The following BLZF1 variants were observed in gnomAD, a reference collection of about 807,000 sequenced individuals.
The protein encoded by BLZF1 is basic leucine zipper nuclear factor 1.
BLZF1 carries 39 observed loss-of-function variants against 43.8 expected under a neutral mutation model. The observed-to-expected ratio is 0.89, with a 90% CI of 0.69 to 1.16. The LOEUF (loss-of-function observed/expected upper bound fraction) is 1.16, where lower values mean the gene tolerates loss of function less well. BLZF1 is among the 50% of genes most tolerant of loss of function. BLZF1 has a pLI of 0.00. For missense variants in BLZF1, 449 were observed against 469.8 expected, an observed-to-expected ratio of 0.96 and a Z score of 0.41; for synonymous variants, 136 against 159.4, an observed-to-expected ratio of 0.85 and a Z score of 1.11.
chr1:169,390,084 A>C (rs1358351868), downstream of BLZF1, among the ~76,000 whole-genome samples: 1 of 152,236 alleles, frequency 6.6e-6, no homozygotes, highest in Non-Finnish European at 1.5e-5. Flanking sequence ...TTTAAAAAAT[A>C]TTTAAAATGG....
chr1:169,376,506 G>A, intron 2 of BLZF1, 34 bp from the exon 3 acceptor site: 1 of 1,542,056 alleles, frequency 6.5e-7, no homozygotes, highest in Non-Finnish European at 8.7e-7. Context: ...TTTCTTCTTG[G>A]TAAGTAGTTT....
chr1:169,383,409 T>C (rs1654581507), intron 6 of BLZF1, among the ~76,000 whole-genome samples: 1 of 152,132 alleles, frequency 6.6e-6, no homozygotes, highest in East Asian at 1.9e-4. Context: ...CAAGCATCAT[T>C]CATCTAAAAA....
intron 2 of BLZF1, among the ~76,000 whole-genome samples, chr1:169,371,911 T>A (rs1654133744): frequency 6.6e-6 from 1 of 152,204 alleles, no homozygotes; most frequent in African/African-American, 2.4e-5. Context: ...GTAAAAAAGA[T>A]ATTCCATGAG....
Position 169,376,692 on chromosome 1 carries a change from G to A in BLZF1, c.181G>A (p.Gly61Arg), listed in dbSNP as rs1181857431. 1.2e-6 allele frequency: 2 copies of A among 1,613,270 alleles called. No individual in the cohort carries two copies. The highest frequency in any genetic ancestry group is 1.7e-5 in the Admixed American group (1 of 59,884). Reference sequence around the variant, plus strand: ...GAAAGCAGTTCCATCAGAGAGCCCAGGAGTTCTTCAGCTAGGGAAAATGCT... The same window carrying A: ...GAAAGCAGTTCCATCAGAGAGCCCAAGAGTTCTTCAGCTAGGGAAAATGCT... The part of the protein sequence containing the change: ...WKKAVPSESP[G>R]VLQLGKMLTE... Residue 61 changes from glycine (G) to arginine (R), a missense_variant, in exon 3 of 7, where the codon GGA becomes AGA. Gly to Arg is a moderately radical substitution (Grantham distance 125). Coordinates refer to ENST00000367808, the MANE Select transcript of BLZF1 (RefSeq NM_001320973.2).
In BLZF1 at chr1:169,387,097, T is replaced by C. The variant is rs762480944; in HGVS notation, c.1118T>C (p.Ile373Thr). The change falls in exon 7 of 7, where the codon ATT becomes ACT. Residue 373 changes from isoleucine (I) to threonine (T), a missense_variant. Ile to Thr is a moderately conservative substitution (Grantham distance 89). Transcript: ENST00000367808. ...PTTLLATKKNIGRFHPYTRYE... is the reference protein window; with the variant it reads ...PTTLLATKKNTGRFHPYTRYE... Reference sequence around the variant, plus strand: ...ACCTTACTTGCTACAAAGAAAAATATTGGACGATTTCATCCCTATACTAGA... The same window carrying C: ...ACCTTACTTGCTACAAAGAAAAATACTGGACGATTTCATCCCTATACTAGA... The C allele has an allele frequency of 3.1e-6, 5 of 1,613,658 alleles. No individual in the cohort carries two copies. Among genetic ancestry groups the C allele is most frequent in the Non-Finnish European group, 4.2e-6 (5 of 1,179,818 alleles).
chr1:169,381,705 T>C (rs1045369088), intron 5 of BLZF1, among the ~76,000 whole-genome samples: 1 of 152,122 alleles, frequency 6.6e-6, no homozygotes, highest in Non-Finnish European at 1.5e-5. Flanking sequence ...ATCCCAGGAA[T>C]TGTAGATTGG....
chr1:169,371,142 A>G (rs545376950), intron 2 of BLZF1, among the ~76,000 whole-genome samples: 2 of 152,330 alleles, frequency 1.3e-5, no homozygotes, highest in South Asian at 4.1e-4. Flanking sequence ...TTGCAACAGC[A>G]TTTCATAAGT....
intron 5 of BLZF1, 98 bp downstream of exon 5, chr1:169,380,707 G>A (rs1355071512): frequency 4.9e-6 from 7 of 1,419,106 alleles, no homozygotes; most frequent in Non-Finnish European, 6.8e-6. Context: ...TGTTTTGGGT[G>A]TGTCTACATT....
chr1:169,392,953 A>T (rs919375189), downstream of BLZF1, among the ~76,000 whole-genome samples: 5 of 152,146 alleles, frequency 3.3e-5, no homozygotes, highest in Non-Finnish European at 4.4e-5. Flanking sequence ...CCTTTTAAAA[A>T]GAGAAACAGA....
In BLZF1 at chr1:169,376,865, A is replaced by G. The variant is rs771054710; in HGVS notation, c.354A>G (p.Glu118=). The part of the protein sequence containing the change: ...EFLGQSEGVI[E]PNKELSEVKN... ...TTGGTCAGTCAGAGGGAGTTATAGA[A>G]CCTAATAAGGAACTCTCAGAGGTAA... The change falls in exon 3 of 7, where the codon GAA becomes GAG. Residue 118 remains glutamate, a synonymous_variant. Transcript: ENST00000367808. 10 of 1,613,202 alleles carry G rather than the reference A, an allele frequency of 6.2e-6. No individual in the cohort carries two copies. The highest frequency in any genetic ancestry group is 1.3e-5 in the African/African-American group (1 of 74,886).
chr1:169,384,946 T>A (rs1486789964), intron 6 of BLZF1, among the ~76,000 whole-genome samples: 1 of 152,238 alleles, frequency 6.6e-6, no homozygotes, highest in Middle Eastern at 3.2e-3. Flanking sequence ...GCTCAGCTAT[T>A]TACTGAATGA....
At chr1:169,383,321 C>G (rs1654579027) in intron 6 of BLZF1, among the ~76,000 whole-genome samples, 1 of 152,146 alleles carries the variant, frequency 6.6e-6, no homozygotes, top group Admixed American at 6.5e-5. Flanking sequence ...AGCATACCTC[C>G]CCTCTAGGCC....
intron 2 of BLZF1, 145 bp downstream of exon 2, chr1:169,369,695 T>G: frequency 1.7e-6 from 1 of 605,398 alleles, no homozygotes; most frequent in Non-Finnish European, 2.9e-6. Flanking sequence ...TTTAGTGCAG[T>G]GTTTATATTT....
At chr1:169,378,213 CTT>C (rs1654423161) in intron 3 of BLZF1, 115 bp from the exon 4 acceptor site, 1 of 923,180 alleles carries the variant, frequency 1.1e-6, no homozygotes, top group Non-Finnish European at 1.7e-6. Context: ...TTGATAGAAA[CTT>C]CAAGTCACGG....
chr1:169,392,643 T>C (rs1159071400), downstream of BLZF1, among the ~76,000 whole-genome samples: 1 of 152,144 alleles, frequency 6.6e-6, no homozygotes, highest in South Asian at 2.1e-4. Flanking sequence ...TGTATGCTAA[T>C]GAAATGACTA....
Position 169,387,420 on chromosome 1 carries a change from A to ATC in BLZF1, c.*239_*240insCT. 3.0e-6 allele frequency: 1 copy of ATC among 330,898 alleles called. No individual in the cohort carries two copies. Among genetic ancestry groups the ATC allele is most frequent in the East Asian group, 5.4e-5 (1 of 18,350 alleles). The allele number at this position is 330,898 out of a possible 1,614,324, so 20.5% of individuals were successfully genotyped here. A position where few individuals can be genotyped will look rare whatever the true frequency, so the allele number is the denominator to read the frequency against. ...TAAAATAGAGAATACTTTCCAAGCA[A>ATC]TACATGATACTTTTCCTAAAAGACT... On this transcript the variant is annotated 3_prime_UTR_variant, in exon 7 of 7. Transcript: ENST00000367808.
At chr1:169,390,262 C>G (rs1557852727), downstream of BLZF1, among the ~76,000 whole-genome samples, 1 of 151,824 alleles carries the variant, frequency 6.6e-6, no homozygotes, top group South Asian at 2.1e-4. Flanking sequence ...GATCTCAAAT[C>G]AGCAATCTAA....
chr1:169,377,021 C>T lies in BLZF1; in HGVS notation c.468+42C>T, dbSNP rs746058302. The T allele has an allele frequency of 4.2e-5, 62 of 1,489,282 alleles. No individual in the cohort carries two copies. The Admixed American group carries it at 5.6e-4, about 13-fold the overall frequency. The allele number at this position is 1,489,282 out of a possible 1,614,324, so 92.3% of individuals were successfully genotyped here. A position where few individuals can be genotyped will look rare whatever the true frequency, so the allele number is the denominator to read the frequency against. ...TCGATAAAATGAGTACTACTCTTTA[C>T]GTCTGGACCTTTTAAACGTGCATGT... On this transcript the variant is annotated intron_variant, in intron 3 of 6. Coordinates refer to ENST00000367808, the MANE Select transcript of BLZF1 (RefSeq NM_001320973.2).
In BLZF1 at chr1:169,382,176, A is replaced by G. The variant is rs1174018711; in HGVS notation, c.912A>G (p.Lys304=). The stretch of plus-strand genomic sequence containing the variant: ...CATTAACAAATCACAAGTTGGCAAA[A>G]GCAGTAAATTCTCATCTTCTGGGAA... ...ELALTNHKLA[K]AVNSHLLGNV... Residue 304 remains lysine (K), a synonymous_variant, in exon 6 of 7, where the codon AAA becomes AAG. Coordinates refer to ENST00000367808, the MANE Select transcript of BLZF1 (RefSeq NM_001320973.2). 1 of 1,613,896 alleles carries G rather than the reference A, an allele frequency of 6.2e-7. No homozygotes were observed. The highest frequency in any genetic ancestry group is 1.1e-5 in the South Asian group (1 of 91,078).
Sources: allele counts gnomAD v4.1 joint callset (sites outside exome capture counted in the v4.1 genomes callset), GRCh38; gene constraint gnomAD v4.1.1; transcripts MANE v1.5; gene names NCBI Gene and HGNC (gene_info 2026-07-23, HGNC 2026-07-21).